Variants in ANKAR observed in about 807,000 individuals in gnomAD.
ANKAR encodes ankyrin and armadillo repeat-containing protein.
ANKAR carries 136 observed loss-of-function variants against 146.2 expected under a neutral mutation model. That is an observed-to-expected ratio of 0.93 (90% CI 0.81 to 1.07). ANKAR has a LOEUF of 1.07. ANKAR is among the 50% of genes least tolerant of loss of function. The pLI, the probability that ANKAR is intolerant of heterozygous loss-of-function variation, is 0.00. For synonymous variants in ANKAR, 500 were observed against 575.8 expected (o/e 0.87, Z 1.88); for missense variants, 1,567 against 1,679.9 (o/e 0.93, Z 1.18).
At chr2:189,706,640 C>T (rs185233951) in intron 8 of ANKAR, among the ~76,000 whole-genome samples, 11 of 152,210 alleles carry the variant, frequency 7.2e-5, no homozygotes, top group South Asian at 2.1e-4. Flanking sequence ...CCTTCACTTA[C>T]GGAGTAGTTG....
intron 19 of ANKAR, among the ~76,000 whole-genome samples, chr2:189,740,522 A>G (rs1408672244): frequency 1.3e-5 from 2 of 152,246 alleles, no homozygotes; most frequent in South Asian, 2.1e-4. Context: ...AATAATATTC[A>G]GTTGCTAGCT....
intron 19 of ANKAR, among the ~76,000 whole-genome samples, chr2:189,740,112 G>T (rs1317395730): frequency 6.6e-6 from 1 of 152,188 alleles, no homozygotes; most frequent in Non-Finnish European, 1.5e-5. Flanking sequence ...AGGCACAGAA[G>T]TTTTTAGGAA....
Position 189,728,794 on chromosome 2 carries a change from A to T in ANKAR, c.3166A>T (p.Ile1056Phe). 1 of 1,613,986 alleles carries T rather than the reference A, an allele frequency of 6.2e-7. No individual in the cohort carries two copies. Among genetic ancestry groups the T allele is most frequent in the Non-Finnish European group, 8.5e-7 (1 of 1,179,872 alleles). ...TIAEGTLLSV[I>F]RAVGSICIGV... Reference sequence around the variant, plus strand: ...TGCTGAAGGCACACTTCTCAGTGTCATCAGAGCAGTGGGATCCATTTGTAT... The same window carrying T: ...TGCTGAAGGCACACTTCTCAGTGTCTTCAGAGCAGTGGGATCCATTTGTAT... Residue 1056 changes from isoleucine (I) to phenylalanine (F), a missense_variant, in exon 15 of 23, where the codon ATC (isoleucine) becomes TTC (phenylalanine). Physicochemically the swap from Ile to Phe is conservative, Grantham distance 21 (BLOSUM62 0). Transcript: ENST00000684021.
At chr2:189,716,204 CA>C (rs2040440584) in intron 10 of ANKAR, among the ~76,000 whole-genome samples, 1 of 152,158 alleles carries the variant, frequency 6.6e-6, no homozygotes, top group African/African-American at 2.4e-5. Flanking sequence ...TGTCTCAGTC[CA>C]AAATCTCCTT....
chr2:189,727,185 T>C (rs1462407418), intron 12 of ANKAR, among the ~76,000 whole-genome samples: 3 of 152,056 alleles, frequency 2.0e-5, no homozygotes, highest in Non-Finnish European at 4.4e-5. Context: ...GTACCAAAAA[T>C]ACAAAACAAA....
rs184008512 is a variant in ANKAR, at chr2:189,712,318, A to G, written c.2224+1165A>G. 9.3e-3 allele frequency among the ~76,000 whole-genome samples: 1,422 copies of G among 152,312 alleles called. 23 individuals are homozygous for G. The highest frequency in any genetic ancestry group is 0.033 in the African/African-American group (1,359 of 41,574). ...TCAAGTGGGTCCCTCACCCCCTTGT[A>G]GCCTAACTGGGAGACACCTCCCAGT... On this transcript the variant is annotated intron_variant, in intron 10 of 22. Transcript: ENST00000684021.
rs768341242 is a variant in ANKAR, at chr2:189,692,261, A to G, written c.1046A>G (p.Lys349Arg). 14 of 1,584,700 alleles carry G rather than the reference A, an allele frequency of 8.8e-6. No homozygotes were observed. The Admixed American group carries it at 9.6e-5, about 11-fold the overall frequency. Residue 349 changes from lysine to arginine, a missense_variant, in exon 4 of 23, where the codon AAG becomes AGG. Transcript: ENST00000684021. ...TTTGTTTTCATTTTTGGAGATGACA[A>G]GGTCAAGACAGAGCGAGAATTGCCT... is the stretch of plus-strand genomic sequence containing the variant. ...SSLLQPFSDD[K>R]VKTERELPPF...
chr2:189,733,219 C>T lies in ANKAR; in HGVS notation c.3413C>T (p.Ser1138Leu). Residue 1138 changes from serine to leucine, a missense_variant, in exon 17 of 23, where the codon TCA (serine) becomes TTA (leucine). By Grantham distance (145) the Ser-to-Leu change is moderately radical. Coordinates refer to ENST00000684021, the MANE Select transcript of ANKAR (RefSeq NM_001378068.1). ...EYADVLYLLH[S>L]TEKDICLRAG... ...GCTGATGTCCTTTATCTTCTTCACT[C>T]AACAGAAAAGGTAATACCTTTACAA... 1 of 1,601,806 alleles carries T rather than the reference C, an allele frequency of 6.2e-7. No homozygotes were observed. Among genetic ancestry groups the T allele is most frequent in the Non-Finnish European group, 8.5e-7 (1 of 1,175,348 alleles).
At position 189,705,018 on chromosome 2, in the gene ANKAR, T is replaced by C. The variant is rs1315781836; in HGVS notation, c.1709-5T>C. On this transcript the variant is annotated splice_polypyrimidine_tract_variant and splice_region_variant and intron_variant, in intron 7 of 22. Coordinates refer to ENST00000684021, the MANE Select transcript of ANKAR (RefSeq NM_001378068.1). ...ATCACTGAAGTAATTGTCCATCCATTCTAGGTCCAACACCTCTACACCTTG... is the reference window on the plus strand; with the variant it reads ...ATCACTGAAGTAATTGTCCATCCATCCTAGGTCCAACACCTCTACACCTTG... The C allele has an allele frequency of 6.2e-7, 1 of 1,613,790 alleles. No homozygotes were observed. The highest frequency in any genetic ancestry group is 1.3e-5 in the African/African-American group (1 of 75,018).
At chr2:189,744,260 C>A (rs1285252455) in intron 21 of ANKAR, among the ~76,000 whole-genome samples, 1 of 151,962 alleles carries the variant, frequency 6.6e-6, no homozygotes, top group Admixed American at 6.6e-5. Flanking sequence ...TTTGAAAAGC[C>A]GAAAGTCTAA....
At position 189,753,513 on chromosome 2, in the gene ANKAR, C is replaced by G. The variant is rs577021653; in HGVS notation, c.*585-7585C>G. Among the ~76,000 whole-genome samples the G allele has an allele frequency of 1.6e-3, 237 of 152,012 alleles. 2 individuals are homozygous for G. The highest frequency in any genetic ancestry group is 5.6e-3 in the Admixed American group (86 of 15,266). On this transcript the variant is annotated intron_variant and NMD_transcript_variant, in intron 18 of 18. Coordinates refer to the ANKAR transcript ENST00000441800. ...CAGAACTTTATCAACATTAGTGTCACGAAAGTTGGTATACCACCTCCCACT... is the reference window on the plus strand; with the variant it reads ...CAGAACTTTATCAACATTAGTGTCAGGAAAGTTGGTATACCACCTCCCACT...
Position 189,728,709 on chromosome 2 carries a change from T to C in ANKAR, c.3081T>C (p.Asn1027=), listed in dbSNP as rs1289354767. 2 of 1,614,036 alleles carry C rather than the reference T, an allele frequency of 1.2e-6. No individual in the cohort carries two copies. Among genetic ancestry groups the C allele is most frequent in the Middle Eastern group, 1.6e-4 (1 of 6,062 alleles). The change falls in exon 15 of 23, where the codon AAT becomes AAC. Residue 1027 remains asparagine (N), a synonymous_variant. Coordinates refer to ENST00000684021, the MANE Select transcript of ANKAR (RefSeq NM_001378068.1). ...GTAAGGACAGCAGGATGCATCAAAATCAAATATGTGAAGGGAATGGAATTG... is the reference window on the plus strand; with the variant it reads ...GTAAGGACAGCAGGATGCATCAAAACCAAATATGTGAAGGGAATGGAATTG... ...ALSKDSRMHQ[N]QICEGNGIAP...
chr2:189,719,932 G>A lies in ANKAR; in HGVS notation c.2466+119G>A, dbSNP rs527313483. 685 of 1,159,036 alleles carry A rather than the reference G, an allele frequency of 5.9e-4. 4 individuals are homozygous for A. The highest frequency in any genetic ancestry group is 7.3e-4 in the Non-Finnish European group (625 of 858,516). 71.8% of individuals were successfully genotyped at this position (1,159,036 alleles called of 1,614,324 possible). Reference sequence around the variant, plus strand: ...AAAACTCTCAGGGAAGAATACAGCAGGGAAAAGGGAGAGAGGGTGCCTGAT... The same window carrying A: ...AAAACTCTCAGGGAAGAATACAGCAAGGAAAAGGGAGAGAGGGTGCCTGAT... On this transcript the variant is annotated intron_variant, in intron 11 of 22. Transcript: ENST00000684021.
In ANKAR at chr2:189,706,963, G is replaced by T. The variant is rs781082869; in HGVS notation, c.1936G>T (p.Ala646Ser). 6.2e-7 allele frequency: 1 copy of T among 1,612,752 alleles called. No individual in the cohort carries two copies. The highest frequency in any genetic ancestry group is 2.2e-5 in the East Asian group (1 of 44,832). Residue 646 changes from alanine to serine, a missense_variant, in exon 9 of 23, where the codon GCT becomes TCT. Ala to Ser is a moderately conservative substitution (Grantham distance 99). Transcript: ENST00000684021. The stretch of plus-strand genomic sequence containing the variant: ...GAATCAGTGCACTCCACTGTTACTT[G>T]CTGCCACTTCAGGAGCACTGGACAC... ...AENQCTPLLL[A>S]ATSGALDTIQ...
At chr2:189,762,973 C>G (rs1447413307), downstream of ANKAR, 1 of 985,222 alleles carries the variant, frequency 1.0e-6, no homozygotes, top group African/African-American at 1.7e-5. Context: ...AGTGACTGAT[C>G]CAGCGGAGGC....
intron 14 of ANKAR, 95 bp from the exon 15 acceptor site, chr2:189,728,565 G>A (rs575716156): frequency 2.0e-6 from 3 of 1,498,988 alleles, no homozygotes; most frequent in Non-Finnish European, 2.7e-6. Context: ...AGCCTCCCAA[G>A]TAGCTGGGAT....
intron 16 of ANKAR, among the ~76,000 whole-genome samples, chr2:189,732,226 C>T (rs1453945831): frequency 6.6e-6 from 1 of 152,142 alleles, no homozygotes; most frequent in East Asian, 1.9e-4. Flanking sequence ...ACTTTAAAAA[C>T]TTATCTACTG....
chr2:189,718,661 G>A (rs1406537439), intron 10 of ANKAR, among the ~76,000 whole-genome samples: 1 of 151,780 alleles, frequency 6.6e-6, no homozygotes, highest in African/African-American at 2.4e-5. Context: ...GTCATTTTGT[G>A]CATGTCCTAT....
At chr2:189,712,767 ATGACTT>A in intron 10 of ANKAR, among the ~76,000 whole-genome samples, 1 of 152,348 alleles carries the variant, frequency 6.6e-6, no homozygotes, top group Admixed American at 6.5e-5. Flanking sequence ...TGGACAGAGA[ATGACTT>A]TGATGAGTTG....
Sources: gnomAD v4.1 joint callset for allele counts (sites outside exome capture counted in the v4.1 genomes callset) on GRCh38, gnomAD v4.1.1 for gene constraint, MANE v1.5 for transcripts, NCBI Gene and HGNC (gene_info 2026-07-23, HGNC 2026-07-21) for gene names.